SNTG1: variants seen among roughly 807,000 people sequenced by gnomAD.
SNTG1 encodes the protein syntrophin gamma 1.
Under a neutral mutation model 74.7 loss-of-function variants are expected in SNTG1, and 39 were observed. The ratio of observed to expected loss-of-function variants is 0.52; its 90% CI spans 0.40 to 0.68. SNTG1 has a LOEUF of 0.68. Ranked by LOEUF, SNTG1 falls within the 30% of genes least tolerant of loss-of-function variation. The probability of loss-of-function intolerance (pLI) is 0.00; values close to 1 mark genes in which losing one functional copy is unlikely to be tolerated. For synonymous variants in SNTG1, 254 were observed against 217.1 expected (o/e 1.17, Z -1.49); for missense variants, 685 against 609.5 (o/e 1.12, Z -1.30).
intron 17 of SNTG1, among the ~76,000 whole-genome samples, chr8:50,722,723 C>T (rs1022418935): frequency 6.6e-6 from 1 of 152,152 alleles, no homozygotes; most frequent in Non-Finnish European, 1.5e-5. Flanking sequence ...TTATAGTGAA[C>T]TCCAGTAGTA....
In SNTG1 at chr8:50,071,627, C is replaced by T. The variant is rs367607786; in HGVS notation, c.-102-100934C>T. On this transcript the variant is annotated intron_variant, in intron 1 of 18. Transcript: ENST00000642720. ...ACGAGTAGCTGGGATTATAGGCTCACACCACCATGCCCAGCTAATTTTGTA... is the reference window on the plus strand; with the variant it reads ...ACGAGTAGCTGGGATTATAGGCTCATACCACCATGCCCAGCTAATTTTGTA... Among the ~76,000 whole-genome samples, 65 of 151,858 alleles carry T rather than the reference C, an allele frequency of 4.3e-4. 2 individuals are homozygous for T. The highest frequency in any genetic ancestry group is 1.6e-3 in the African/African-American group (65 of 41,414).
At chr8:50,777,843 C>A (rs543781028) in intron 18 of SNTG1, among the ~76,000 whole-genome samples, 5 of 152,118 alleles carry the variant, frequency 3.3e-5, no homozygotes, top group Non-Finnish European at 5.9e-5. Flanking sequence ...CTAAAGCTAT[C>A]CCTCCCCTGT....
chr8:50,723,074 C>A (rs998329161), intron 17 of SNTG1, among the ~76,000 whole-genome samples: 1 of 152,076 alleles, frequency 6.6e-6, no homozygotes, highest in Non-Finnish European at 1.5e-5. Context: ...TGAAAATATC[C>A]TCAGACTATC....
chr8:50,160,256 C>T (rs564764251), intron 1 of SNTG1, among the ~76,000 whole-genome samples: 1 of 152,090 alleles, frequency 6.6e-6, no homozygotes, highest in African/African-American at 2.4e-5. Flanking sequence ...ATTTCTGACA[C>T]ATAAACGTTG....
At chr8:50,537,116 CTATT>C (rs1218192893) in intron 11 of SNTG1, among the ~76,000 whole-genome samples, 5 of 151,942 alleles carry the variant, frequency 3.3e-5, no homozygotes, top group Non-Finnish European at 1.5e-5. Flanking sequence ...CATAGTTTAT[CTATT>C]TGTTTGTTTG....
chr8:50,221,639 C>T (rs1277705511), intron 2 of SNTG1, among the ~76,000 whole-genome samples: 3 of 151,654 alleles, frequency 2.0e-5, no homozygotes, highest in East Asian at 1.9e-4. Flanking sequence ...GCAGTATATC[C>T]GTGTATGCTG....
At chr8:49,928,730 A>T (rs1382813816) in intron 1 of SNTG1, among the ~76,000 whole-genome samples, 1 of 152,118 alleles carries the variant, frequency 6.6e-6, no homozygotes, top group South Asian at 2.1e-4. Flanking sequence ...TCTTGTTTGT[A>T]AAATTAAGAA....
At chr8:50,691,930 T>C (rs1178559326) in intron 15 of SNTG1, among the ~76,000 whole-genome samples, 5 of 152,310 alleles carry the variant, frequency 3.3e-5, no homozygotes, top group African/African-American at 1.2e-4. Flanking sequence ...CCATGTTTCT[T>C]GGAGGCTTTG....
intron 2 of SNTG1, among the ~76,000 whole-genome samples, chr8:50,225,241 A>AT (rs2085271352): frequency 6.6e-6 from 1 of 151,954 alleles, no homozygotes; most frequent in South Asian, 2.1e-4. Flanking sequence ...CAAAGTGCGT[A>AT]TTTTTAAGTC....
At chr8:50,414,076 T>C (rs2131412147) in intron 4 of SNTG1, among the ~76,000 whole-genome samples, 1 of 152,334 alleles carries the variant, frequency 6.6e-6, no homozygotes, top group Non-Finnish European at 1.5e-5. Context: ...CTGTTCTTTG[T>C]TCTGCTGCTG....
intron 1 of SNTG1, among the ~76,000 whole-genome samples, chr8:50,112,077 T>G (rs1344349611): frequency 6.6e-6 from 1 of 152,138 alleles, no homozygotes; most frequent in African/African-American, 2.4e-5. Context: ...AAGACAAGTG[T>G]TAATCTTCAG....
At chr8:50,155,850 A>G (rs1257021200) in intron 1 of SNTG1, among the ~76,000 whole-genome samples, 1 of 152,024 alleles carries the variant, frequency 6.6e-6, no homozygotes, top group East Asian at 1.9e-4. Flanking sequence ...TAAAGACAAA[A>G]GTTGTTTGAA....
chr8:50,480,579 G>T (rs976864137), intron 8 of SNTG1, among the ~76,000 whole-genome samples: 1 of 152,162 alleles, frequency 6.6e-6, no homozygotes, highest in Non-Finnish European at 1.5e-5. Flanking sequence ...GAAATAATTA[G>T]AGTAGTATTG....
intron 1 of SNTG1, among the ~76,000 whole-genome samples, chr8:50,141,329 C>T (rs989224897): frequency 6.6e-6 from 1 of 152,182 alleles, no homozygotes; most frequent in South Asian, 2.1e-4. Flanking sequence ...GCTCTTCATC[C>T]TTGCCAACCC....
chr8:50,611,943 A>C (rs1373895875), intron 13 of SNTG1, among the ~76,000 whole-genome samples: 1 of 151,934 alleles, frequency 6.6e-6, no homozygotes, highest in Admixed American at 6.6e-5. Context: ...TTTTTTGTGG[A>C]GACTGGGTCT....
chr8:50,100,773 C>T (rs1225530601), intron 1 of SNTG1, among the ~76,000 whole-genome samples: 1 of 151,914 alleles, frequency 6.6e-6, no homozygotes, highest in African/African-American at 2.4e-5. Context: ...TAATACTTAA[C>T]ATTCCTTTTT....
At chr8:50,784,963 A>T (rs984976634) in intron 18 of SNTG1, among the ~76,000 whole-genome samples, 24 of 151,972 alleles carry the variant, frequency 1.6e-4, no homozygotes, top group African/African-American at 5.1e-4. Context: ...CCAATGGGTC[A>T]AAAAAAATCA....
chr8:50,257,064 C>T (rs776681090), intron 2 of SNTG1, among the ~76,000 whole-genome samples: 8 of 151,810 alleles, frequency 5.3e-5, no homozygotes, highest in Non-Finnish European at 7.4e-5. Flanking sequence ...GCACACCCAC[C>T]AGCATGAAGC....
At chr8:50,669,215 T>A (rs1284838681) in intron 15 of SNTG1, among the ~76,000 whole-genome samples, 14 of 148,052 alleles carry the variant, frequency 9.5e-5, no homozygotes, top group African/African-American at 2.2e-4. Flanking sequence ...AATAGAGATT[T>A]AAAAAAAAAA....
Sources: gnomAD v4.1 joint callset for allele counts (sites outside exome capture counted in the v4.1 genomes callset) on GRCh38, gnomAD v4.1.1 for gene constraint, MANE v1.5 for transcripts, NCBI Gene and HGNC (gene_info 2026-07-23, HGNC 2026-07-21) for gene names.